Variants in AMOTL1 observed in about 807,000 individuals in gnomAD.
AMOTL1 encodes angiomotin-like protein 1.
A neutral mutation model predicts 102.9 loss-of-function variants in AMOTL1; 45 were observed. The observed-to-expected ratio is 0.44, with a 90% CI of 0.34 to 0.56. The LOEUF (loss-of-function observed/expected upper bound fraction) is 0.56. Ranked by LOEUF, AMOTL1 falls within the 20% of genes least tolerant of loss-of-function variation. AMOTL1 has a pLI of 0.01. For missense variants in AMOTL1, 1,114 were observed against 1,225.6 expected (o/e 0.91, Z 1.36); for synonymous variants, 481 against 484.7 (o/e 0.99, Z 0.10).
At chr11:94,792,627 A>G (rs1429358387) in intron 1 of AMOTL1, among the ~76,000 whole-genome samples, 4 of 152,142 alleles carry the variant, frequency 2.6e-5, no homozygotes, top group Non-Finnish European at 4.4e-5. Context: ...TTCAGCACTG[A>G]GGAGTGGTCA....
In AMOTL1 at chr11:94,753,160, C is replaced by T. The variant is rs116004304; in HGVS notation, c.136+12172C>T. 8.6e-3 allele frequency among the ~76,000 whole-genome samples: 1,301 copies of T among 152,152 alleles called. 16 individuals carry two copies. Among genetic ancestry groups the T allele is most frequent in the African/African-American group, 0.029 (1,196 of 41,500 alleles). ...GTGGGGGTTAACTTCAGGTGAACAC[C>T]GGCTACCTCCCCCTCCACTGGTTCC... On this transcript the variant is annotated intron_variant, in intron 3 of 4. Transcript: ENST00000299004.
intron 9 of AMOTL1, among the ~76,000 whole-genome samples, chr11:94,860,308 G>T (rs1237853843): frequency 6.6e-6 from 1 of 152,188 alleles, no homozygotes; most frequent in Non-Finnish European, 1.5e-5. Flanking sequence ...GAGTGATGGG[G>T]CTGTGTGTCA....
At chr11:94,761,743 A>T (rs889458722) in intron 3 of AMOTL1, among the ~76,000 whole-genome samples, 2 of 152,164 alleles carry the variant, frequency 1.3e-5, no homozygotes, top group Non-Finnish European at 2.9e-5. Context: ...GAATGGAACC[A>T]TCTAGAGTGT....
chr11:94,779,288 T>C (rs553793545), intron 1 of AMOTL1, among the ~76,000 whole-genome samples: 13 of 152,206 alleles, frequency 8.5e-5, no homozygotes, highest in Non-Finnish European at 1.8e-4. Flanking sequence ...TTCTGTAAGA[T>C]TGATCCCCTC....
chr11:94,859,387 C>A, intron 8 of AMOTL1, 138 bp from the exon 9 acceptor site: 1 of 815,088 alleles, frequency 1.2e-6, no homozygotes, highest in Non-Finnish European at 1.8e-6. Context: ...TTAACTACAA[C>A]AGAGGAATTT....
intron 3 of AMOTL1, among the ~76,000 whole-genome samples, chr11:94,750,402 C>T (rs891649763): frequency 6.6e-6 from 1 of 152,206 alleles, no homozygotes; most frequent in Non-Finnish European, 1.5e-5. Flanking sequence ...CCTTTGCTTA[C>T]TTGAGAGCCT....
At chr11:94,861,488 T>A (rs933650840) in intron 9 of AMOTL1, among the ~76,000 whole-genome samples, 5 of 152,200 alleles carry the variant, frequency 3.3e-5, no homozygotes, top group African/African-American at 9.7e-5. Flanking sequence ...GTTTCCTTCC[T>A]CCCTGCAATT....
chr11:94,830,234 G>C, intron 5 of AMOTL1, 40 bp downstream of exon 5: 1 of 1,545,882 alleles, frequency 6.5e-7, no homozygotes, highest in South Asian at 1.3e-5. Flanking sequence ...ACTACCTGTA[G>C]AGTTTTAGTG....
rs1374308332 is a variant in AMOTL1 at position 94,870,985 on chromosome 11, G to A, written c.*190G>A. 3 of 489,398 alleles carry A rather than the reference G, an allele frequency of 6.1e-6. No homozygotes were observed. The highest frequency in any genetic ancestry group is 1.1e-5 in the Non-Finnish European group (3 of 279,366). 30.3% of individuals were successfully genotyped at this position (489,398 alleles called of 1,614,324 possible). On this transcript the variant is annotated 3_prime_UTR_variant, in exon 13 of 13. Coordinates refer to ENST00000433060, the MANE Select transcript of AMOTL1 (RefSeq NM_130847.3). ...TACATGACTGAAGATAGAAGAGAAT[G>A]CGATGGATTTTATTACACATGGTGG...
chr11:94,840,681 T>TATATATATACACAC lies in AMOTL1; in HGVS notation c.1648+9141_1648+9142insTATATATACACACA, dbSNP rs1166713705. 9.5e-5 allele frequency among the ~76,000 whole-genome samples: 10 copies of TATATATATACACAC among 104,782 alleles called. No homozygotes were observed. The South Asian group carries it at 1.4e-3, about 14-fold the overall frequency. 68.7% of individuals were successfully genotyped at this position (104,782 alleles called of 152,430 possible). ...ATATATATATATATATATATATATA[T>TATATATATACACAC]ACACACACACACACACACACACACA... On this transcript the variant is annotated intron_variant, in intron 6 of 12. Transcript: ENST00000433060.
At chr11:94,767,652 C>T (rs1638501015), upstream of AMOTL1, among the ~76,000 whole-genome samples, 1 of 152,142 alleles carries the variant, frequency 6.6e-6, no homozygotes, top group African/African-American at 2.4e-5. Flanking sequence ...AGAGAGCCGC[C>T]AGTATAAACC....
rs914995065 is a variant in AMOTL1 at position 94,875,998 on chromosome 11, G to A, written c.*5203G>A. ...TATGATGTGACTGGGGTGTTTCTTTGTCATGAAACTTTGCTTCTTCACAGA... is the reference window on the plus strand; with the variant it reads ...TATGATGTGACTGGGGTGTTTCTTTATCATGAAACTTTGCTTCTTCACAGA... On this transcript the variant is annotated 3_prime_UTR_variant, in exon 13 of 13. Transcript: ENST00000433060. 6.6e-6 allele frequency: 1 copy of A among 152,580 alleles called. No individual in the cohort carries two copies. Among genetic ancestry groups the A allele is most frequent in the African/African-American group, 2.4e-5 (1 of 41,416 alleles). 9.5% of individuals were successfully genotyped at this position (152,580 alleles called of 1,614,324 possible).
chr11:94,806,433 A>C (rs567137303), intron 3 of AMOTL1, among the ~76,000 whole-genome samples: 1 of 152,240 alleles, frequency 6.6e-6, no homozygotes, highest in East Asian at 1.9e-4. Context: ...AGTTTATGCA[A>C]TCATGAAAAT....
intron 3 of AMOTL1, among the ~76,000 whole-genome samples, chr11:94,750,508 C>T (rs561242888): frequency 3.9e-5 from 6 of 152,258 alleles, no homozygotes; most frequent in East Asian, 1.9e-4. Context: ...CTCCTGATTG[C>T]GACACAAGCC....
chr11:94,736,947 T>C (rs909420083), intron 2 of AMOTL1, among the ~76,000 whole-genome samples: 1 of 152,232 alleles, frequency 6.6e-6, no homozygotes, highest in Non-Finnish European at 1.5e-5. Context: ...GTTTAATTAA[T>C]ATGAAACATT....
intron 11 of AMOTL1, among the ~76,000 whole-genome samples, chr11:94,868,951 A>C (rs1003768929): frequency 1.2e-4 from 18 of 151,602 alleles, no homozygotes; most frequent in African/African-American, 2.7e-4. Context: ...CTCCAAAAAA[A>C]AAAAACAAAA....
At chr11:94,750,892 G>A (rs1950645515) in intron 3 of AMOTL1, among the ~76,000 whole-genome samples, 1 of 152,154 alleles carries the variant, frequency 6.6e-6, no homozygotes, top group South Asian at 2.1e-4. Flanking sequence ...GGGCACATTA[G>A]TTTATTTCAT....
chr11:94,782,944 TTTA>T (rs1951133613), intron 1 of AMOTL1, among the ~76,000 whole-genome samples: 1 of 152,252 alleles, frequency 6.6e-6, no homozygotes, highest in South Asian at 2.1e-4. Flanking sequence ...ATATCATGGC[TTTA>T]TTATTGATAT....
chr11:94,865,016 G>A (rs1952852370), intron 10 of AMOTL1, among the ~76,000 whole-genome samples, 156 bp downstream of exon 10: 1 of 152,184 alleles, frequency 6.6e-6, no homozygotes, highest in Non-Finnish European at 1.5e-5. Context: ...GAAGGAAAAG[G>A]TTCCAACCTA....
Sources: allele counts gnomAD v4.1 joint callset (sites outside exome capture counted in the v4.1 genomes callset), GRCh38; gene constraint gnomAD v4.1.1; transcripts MANE v1.5; gene names NCBI Gene and HGNC (gene_info 2026-07-23, HGNC 2026-07-21).